TAOK3: variants seen among roughly 807,000 people sequenced by gnomAD.
TAOK3 encodes the protein serine/threonine-protein kinase TAO3.
TAOK3 carries 40 observed loss-of-function variants against 120.4 expected under a neutral mutation model. That is an observed-to-expected ratio of 0.33 (90% CI 0.26 to 0.43). The LOEUF (loss-of-function observed/expected upper bound fraction) is 0.43. TAOK3 is among the 20% of genes least tolerant of loss of function. The probability of loss-of-function intolerance (pLI) is 1.00; values close to 1 mark genes in which losing one functional copy is unlikely to be tolerated. For synonymous variants in TAOK3, 355 were observed against 387.5 expected (o/e 0.92, Z 0.99); for missense variants, 821 against 1,112.1 (o/e 0.74, Z 3.72).
At chr12:118,157,476 A>G (rs2034916505) in intron 19 of TAOK3, among the ~76,000 whole-genome samples, 1 of 152,182 alleles carries the variant, frequency 6.6e-6, no homozygotes, top group Non-Finnish European at 1.5e-5. Context: ...CAAACATAAT[A>G]GATTTCTGTG....
chr12:118,238,782 T>C (rs1354873122), intron 6 of TAOK3, among the ~76,000 whole-genome samples: 1 of 152,052 alleles, frequency 6.6e-6, no homozygotes, highest in Non-Finnish European at 1.5e-5. Context: ...TTATAGGTGT[T>C]AGCCTCTGTG....
intron 15 of TAOK3, 86 bp downstream of exon 15, chr12:118,181,285 C>T (rs558514819): frequency 1.5e-5 from 17 of 1,151,090 alleles, no homozygotes; most frequent in Non-Finnish European, 2.0e-5. Context: ...CTCCATCCCC[C>T]ACTCCTGCCT....
chr12:118,209,712 TTCTTC>T (rs766783011), intron 11 of TAOK3, among the ~76,000 whole-genome samples: 15 of 85,918 alleles, frequency 1.7e-4, no homozygotes, highest in South Asian at 4.2e-4. Context: ...CTTCTTCTTC[TTCTTC>T]TTTTTTTTTT....
chr12:118,192,629 G>A (rs2037492157), intron 13 of TAOK3, among the ~76,000 whole-genome samples: 1 of 152,140 alleles, frequency 6.6e-6, no homozygotes, highest in Non-Finnish European at 1.5e-5. Flanking sequence ...TTTAAAAATG[G>A]GAGAATGTAA....
chr12:118,265,612 G>C (rs75812467), intron 2 of TAOK3, among the ~76,000 whole-genome samples: 1 of 152,056 alleles, frequency 6.6e-6, no homozygotes, highest in Non-Finnish European at 1.5e-5. Context: ...TGGCAAATAA[G>C]AGGAAAAAAT....
At chr12:118,215,667 T>C (rs1209675829) in intron 9 of TAOK3, among the ~76,000 whole-genome samples, 1 of 152,188 alleles carries the variant, frequency 6.6e-6, no homozygotes, top group Non-Finnish European at 1.5e-5. Flanking sequence ...CTATAAATTA[T>C]AAATAAAGTC....
intron 1 of TAOK3, among the ~76,000 whole-genome samples, chr12:118,293,618 G>A (rs940274659): frequency 4.7e-5 from 7 of 148,628 alleles, no homozygotes; most frequent in Non-Finnish European, 1.0e-4. Flanking sequence ...AGGTTGCAGT[G>A]AGCCGAGATC....
chr12:118,188,960 G>A (rs918194483), intron 14 of TAOK3, among the ~76,000 whole-genome samples: 1 of 152,190 alleles, frequency 6.6e-6, no homozygotes, highest in African/African-American at 2.4e-5. Context: ...GAGCGCGCAC[G>A]CGCACGCGTG....
intron 1 of TAOK3, among the ~76,000 whole-genome samples, chr12:118,318,314 C>A (rs533600341): frequency 1.3e-5 from 2 of 151,974 alleles, no homozygotes; most frequent in Non-Finnish European, 2.9e-5. Context: ...CGCACCACCA[C>A]GCCCAGCTAA....
chr12:118,269,383 CTTTTTTT>C (rs1174725563), intron 1 of TAOK3, among the ~76,000 whole-genome samples: 7 of 103,892 alleles, frequency 6.7e-5, no homozygotes, highest in South Asian at 3.3e-4. Flanking sequence ...TCTCTCTCTT[CTTTTTTT>C]TTTTTTTTTT....
chr12:118,246,325 T>C, intron 3 of TAOK3: 2 of 1,599,596 alleles, frequency 1.3e-6, no homozygotes, highest in East Asian at 2.2e-5. Flanking sequence ...CTGGAGGAGA[T>C]CTATCTCTTC....
chr12:118,243,433 C>T lies in TAOK3; in HGVS notation c.276G>A (p.Leu92=), dbSNP rs747092356. ...GACTTACCCAAGCAGTGTGTTCTTT[C>T]AAGTAACAGCCTTTGTACTCAATAG... ...PNTIEYKGCY[L]KEHTAWLVME... The change falls in exon 5 of 21, where the codon TTG becomes TTA. Residue 92 remains leucine, a synonymous_variant. Coordinates refer to ENST00000392533, the MANE Select transcript of TAOK3 (RefSeq NM_016281.4). 1 of 1,569,302 alleles carries T rather than the reference C, an allele frequency of 6.4e-7. No individual in the cohort carries two copies. The highest frequency in any genetic ancestry group is 1.4e-5 in the African/African-American group (1 of 71,954).
chr12:118,213,449 T>G (rs1204985717), intron 10 of TAOK3, among the ~76,000 whole-genome samples: 1 of 152,124 alleles, frequency 6.6e-6, no homozygotes, highest in African/African-American at 2.4e-5. Context: ...TGAACAAAAA[T>G]TCTTCCTATC....
At chr12:118,323,449 C>A (rs2140964577) in intron 1 of TAOK3, among the ~76,000 whole-genome samples, 1 of 152,038 alleles carries the variant, frequency 6.6e-6, no homozygotes, top group African/African-American at 2.4e-5. Flanking sequence ...AAAATAAAAC[C>A]ATTAAGCCAC....
intron 1 of TAOK3, among the ~76,000 whole-genome samples, chr12:118,284,858 A>C (rs753448854): frequency 2.0e-5 from 3 of 152,162 alleles, no homozygotes; most frequent in Non-Finnish European, 4.4e-5. Flanking sequence ...TAATTCTATA[A>C]TTAGGCATTC....
chr12:118,275,884 G>T (rs1409787397), intron 1 of TAOK3, among the ~76,000 whole-genome samples: 1 of 152,178 alleles, frequency 6.6e-6, no homozygotes, highest in African/African-American at 2.4e-5. Context: ...GGAAGTGAAG[G>T]AGTAAGCCCT....
chr12:118,277,970 C>G (rs1291767225), intron 1 of TAOK3, among the ~76,000 whole-genome samples: 4 of 151,998 alleles, frequency 2.6e-5, no homozygotes, highest in African/African-American at 9.7e-5. Flanking sequence ...CTCTAATTAC[C>G]CTTGAAAATT....
At chr12:118,220,089 G>A (rs1049153268) in intron 9 of TAOK3, among the ~76,000 whole-genome samples, 5 of 147,718 alleles carry the variant, frequency 3.4e-5, no homozygotes, top group African/African-American at 1.0e-4. Flanking sequence ...TAAGGTTTTC[G>A]TAGACATAAA....
chr12:118,209,172 A>G (rs2038491738), intron 11 of TAOK3, among the ~76,000 whole-genome samples: 1 of 152,236 alleles, frequency 6.6e-6, no homozygotes, highest in Admixed American at 6.5e-5. Context: ...ATTAAAAAGA[A>G]TGAGGTAGCT....
Sources: allele counts gnomAD v4.1 joint callset (sites outside exome capture counted in the v4.1 genomes callset), GRCh38; gene constraint gnomAD v4.1.1; transcripts MANE v1.5; gene names NCBI Gene and HGNC (gene_info 2026-07-23, HGNC 2026-07-21).